Variants in NREP observed in about 807,000 individuals in gnomAD.
NREP encodes the protein neuronal regeneration related protein.
Under a neutral mutation model 8.6 loss-of-function variants are expected in NREP, and 5 were observed. The observed-to-expected ratio is 0.58, with a 90% CI of 0.30 to 1.22. The LOEUF (loss-of-function observed/expected upper bound fraction) is 1.22. Ranked by LOEUF, NREP falls within the 50% of genes most tolerant of loss-of-function variation. The pLI, the probability that NREP is intolerant of heterozygous loss-of-function variation, is 0.07. For missense variants in NREP, 86 were observed against 82.5 expected, an observed-to-expected ratio of 1.04 and a Z score of -0.17; for synonymous variants, 27 against 28.0, an observed-to-expected ratio of 0.96 and a Z score of 0.11.
intron 2 of NREP, among the ~76,000 whole-genome samples, chr5:111,853,232 G>C (rs1037183755): frequency 4.6e-5 from 7 of 152,140 alleles, no homozygotes; most frequent in African/African-American, 1.7e-4. Flanking sequence ...CAGGGGTTAG[G>C]AGGTAGGGAA....
chr5:111,919,919 G>GAAAGAAAC (rs1342506108), intron 2 of NREP, among the ~76,000 whole-genome samples: 3,046 of 143,204 alleles, frequency 0.021, 83 homozygotes, highest in East Asian at 0.099. Context: ...AAGAAAGAAA[G>GAAAGAAAC]ATCTGAACTG....
At chr5:111,973,215 GA>G (rs1286621642) in intron 2 of NREP, among the ~76,000 whole-genome samples, 3 of 151,930 alleles carry the variant, frequency 2.0e-5, no homozygotes, top group Non-Finnish European at 4.4e-5. Context: ...GCCAGCAGCT[GA>G]AATCTTAATT....
intron 2 of NREP, among the ~76,000 whole-genome samples, chr5:111,902,225 C>A (rs1229054578): frequency 2.0e-5 from 3 of 151,970 alleles, no homozygotes; most frequent in Non-Finnish European, 4.4e-5. Context: ...ATAAATGGTG[C>A]TGGGAAAACT....
intron 2 of NREP, among the ~76,000 whole-genome samples, chr5:111,790,068 TAATAA>T (rs926808561): frequency 1.7e-4 from 26 of 151,836 alleles, no homozygotes; most frequent in African/African-American, 6.0e-4. Context: ...TATGAGCAAA[TAATAA>T]AATAAAGACT....
intron 2 of NREP, among the ~76,000 whole-genome samples, chr5:111,851,269 C>T (rs766544102): frequency 2.0e-5 from 3 of 152,178 alleles, no homozygotes; most frequent in Non-Finnish European, 4.4e-5. Context: ...GTGCCAGGCA[C>T]TGTTCCAGCC....
At chr5:111,896,007 G>A (rs1411044332) in intron 2 of NREP, among the ~76,000 whole-genome samples, 1 of 152,186 alleles carries the variant, frequency 6.6e-6, no homozygotes, top group Non-Finnish European at 1.5e-5. Flanking sequence ...AAAGAGTTTG[G>A]ATTTTATAAT....
At chr5:111,782,031 G>A (rs1027889068) in intron 2 of NREP, among the ~76,000 whole-genome samples, 1 of 152,162 alleles carries the variant, frequency 6.6e-6, no homozygotes, top group African/African-American at 2.4e-5. Flanking sequence ...CAGAGAAAAT[G>A]TATGTAAAGT....
intron 2 of NREP, among the ~76,000 whole-genome samples, chr5:111,864,218 T>C (rs1170682613): frequency 1.3e-5 from 2 of 152,078 alleles, no homozygotes; most frequent in Non-Finnish European, 2.9e-5. Flanking sequence ...ATTACTGGGG[T>C]CCTAAATAAG....
intron 2 of NREP, among the ~76,000 whole-genome samples, chr5:111,932,375 T>C (rs936952846): frequency 6.6e-6 from 1 of 152,066 alleles, no homozygotes; most frequent in Admixed American, 6.6e-5. Flanking sequence ...CAAAACACTA[T>C]ACTCAAAATA....
chr5:111,740,563 T>C (rs1430611445), intron 2 of NREP, among the ~76,000 whole-genome samples: 2 of 152,120 alleles, frequency 1.3e-5, no homozygotes. Flanking sequence ...CACCGGTAAT[T>C]ATTGCTTAGT....
intron 2 of NREP, among the ~76,000 whole-genome samples, chr5:111,936,291 G>A (rs1489914338): frequency 6.6e-6 from 1 of 151,994 alleles, no homozygotes; most frequent in Non-Finnish European, 1.5e-5. Flanking sequence ...ATGATAGTGA[G>A]TTCTCACAAG....
chr5:111,878,427 T>C (rs78313753), intron 2 of NREP, among the ~76,000 whole-genome samples: 2,781 of 152,054 alleles, frequency 0.018, 62 homozygotes, highest in African/African-American at 0.051. Context: ...TATAAAACCA[T>C]CATACCTCAT....
At position 111,875,383 on chromosome 5, in the gene NREP, T is replaced by C. The variant is rs565686188; in HGVS notation, c.135+99891A>G. Among the ~76,000 whole-genome samples, 7 of 152,264 alleles carry C rather than the reference T, an allele frequency of 4.6e-5. No homozygotes were observed. In the East Asian group the frequency reaches 1.3e-3, roughly 29 times the overall value. Reference sequence around the variant, plus strand: ...AAAAAAAACTAAAAACCTCTCATTATCTTTTTCTGGAAAGCTGTCACTTTC... The same window carrying C: ...AAAAAAAACTAAAAACCTCTCATTACCTTTTTCTGGAAAGCTGTCACTTTC... On this transcript the variant is annotated intron_variant, in intron 2 of 3. Transcript: ENST00000395634.
In NREP at chr5:111,776,514, G is replaced by C. The variant is rs187828556; in HGVS notation, c.136-41007C>G. ...TATATCCACCAAAAGACATGCGCAA[G>C]TCTGTTCATTGCAGATTTTTTCAAA... is the stretch of plus-strand genomic sequence containing the variant. On this transcript the variant is annotated intron_variant, in intron 2 of 3. Coordinates refer to the NREP transcript ENST00000395634. 4.7e-4 allele frequency among the ~76,000 whole-genome samples: 72 copies of C among 152,254 alleles called. 1 individual carries two copies. The highest frequency in any genetic ancestry group is 1.8e-4 in the Non-Finnish European group (12 of 68,006).
intron 2 of NREP, among the ~76,000 whole-genome samples, chr5:111,893,883 C>T (rs1182457534): frequency 6.6e-6 from 1 of 151,770 alleles, no homozygotes; most frequent in Admixed American, 6.6e-5. Flanking sequence ...TGATGTTAAA[C>T]TATGAATTGC....
chr5:111,730,789 TC>T lies in NREP; in HGVS notation c.*131del. ...ACACCTATTTGTCCACTGTAAATTC[TC>T]TAAAGCAAGGCTCAGAGTCCCATAG... On this transcript the variant is annotated 3_prime_UTR_variant, in exon 4 of 4. Coordinates refer to ENST00000257435, the MANE Select transcript of NREP (RefSeq NM_004772.4). The T allele has an allele frequency of 9.3e-7, 1 of 1,075,640 alleles. No individual in the cohort carries two copies. The highest frequency in any genetic ancestry group is 2.4e-5 in the East Asian group (1 of 41,094). 66.6% of individuals were successfully genotyped at this position (1,075,640 alleles called of 1,614,324 possible). A position where few individuals can be genotyped will look rare whatever the true frequency, so the allele number is the denominator to read the frequency against.
intron 2 of NREP, among the ~76,000 whole-genome samples, chr5:111,867,169 A>G (rs1051917364): frequency 6.6e-6 from 1 of 152,168 alleles, no homozygotes; most frequent in Non-Finnish European, 1.5e-5. Context: ...GTGATGGTTA[A>G]TATTCAGCTA....
chr5:111,805,498 A>G (rs4129466), intron 2 of NREP, among the ~76,000 whole-genome samples: 118,253 of 152,172 alleles, frequency 0.78, 46,105 homozygotes, highest in East Asian at 0.95. Context: ...ATATTGAGGA[A>G]TACCTGTATA....
At chr5:111,966,328 T>A (rs896338277) in intron 2 of NREP, among the ~76,000 whole-genome samples, 1 of 152,208 alleles carries the variant, frequency 6.6e-6, no homozygotes, top group Non-Finnish European at 1.5e-5. Context: ...TTAAAAGGTA[T>A]AAAAGATACT....
Sources: gnomAD v4.1 joint callset for allele counts (sites outside exome capture counted in the v4.1 genomes callset) on GRCh38, gnomAD v4.1.1 for gene constraint, MANE v1.5 for transcripts, NCBI Gene and HGNC (gene_info 2026-07-23, HGNC 2026-07-21) for gene names.